Variants in CRYAB observed in about 807,000 individuals in gnomAD.
CRYAB encodes the protein crystallin alpha B, also known as alpha-crystallin B chain.
CRYAB carries 9 observed loss-of-function variants against 12.7 expected under a neutral mutation model. The observed-to-expected ratio is 0.71, with a 90% CI of 0.43 to 1.24. The LOEUF is 1.24. CRYAB is among the 50% of genes most tolerant of loss of function. CRYAB has a pLI of 0.00. For synonymous variants in CRYAB, 93 were observed against 86.8 expected (o/e 1.07, Z -0.40); for missense variants, 183 against 226.6 (o/e 0.81, Z 1.24).
Position 111,908,676 on chromosome 11 carries a change from T to C in CRYAB, c.*88A>G, listed in dbSNP as rs1555165202. 1.5e-6 allele frequency: 2 copies of C among 1,323,778 alleles called. No homozygotes were observed. The highest frequency in any genetic ancestry group is 2.9e-5 in the African/African-American group (2 of 69,218). 82.0% of individuals were successfully genotyped at this position (1,323,778 alleles called of 1,614,324 possible). ...TGATAATTTGGGCCTGCCCTTAGCA[T>C]TAATAAGCTTCAGCACTAGTCACAA... On this transcript the variant is annotated 3_prime_UTR_variant, in exon 3 of 3. Transcript: ENST00000650687.
upstream of CRYAB, chr11:111,918,025 T>G (rs1965624107): frequency 6.6e-6 from 1 of 152,126 alleles, no homozygotes; most frequent in Non-Finnish European, 1.5e-5. Flanking sequence ...GTATTCTCTG[T>G]GGAGTGCAGA....
At chr11:111,920,494 C>A (rs182505572) in intron 1 of CRYAB, among the ~76,000 whole-genome samples, 1 of 151,630 alleles carries the variant, frequency 6.6e-6, no homozygotes, top group African/African-American at 2.4e-5. Flanking sequence ...GCTGAGATTG[C>A]GCCACTGCAG....
chr11:111,914,801 T>A (rs1446875390), upstream of CRYAB, among the ~76,000 whole-genome samples: 1 of 152,300 alleles, frequency 6.6e-6, no homozygotes, highest in East Asian at 1.9e-4. Flanking sequence ...CTTGGCTGGG[T>A]GCAGCAGCTC....
chr11:111,918,730 C>T lies in CRYAB; in HGVS notation c.-199+4973G>A, dbSNP rs1270909357. The T allele has an allele frequency of 8.8e-6, 6 of 682,220 alleles. No homozygotes were observed. The African/African-American group carries it at 1.1e-4, about 12-fold the overall frequency. The allele number at this position is 682,220 out of a possible 1,614,324, so 42.3% of individuals were successfully genotyped here. A position where few individuals can be genotyped will look rare whatever the true frequency, so the allele number is the denominator to read the frequency against. ...AAGTTCATGGCTTCATCAAAAGACGCTTCAAATCCTGAAGTTGAGATAGCT... is the reference window on the plus strand; with the variant it reads ...AAGTTCATGGCTTCATCAAAAGACGTTTCAAATCCTGAAGTTGAGATAGCT... On this transcript the variant is annotated intron_variant, in intron 1 of 3. Coordinates refer to the CRYAB transcript ENST00000527950.
At chr11:111,910,843 A>G (rs1592508711) in intron 1 of CRYAB, 2 of 331,404 alleles carry the variant, frequency 6.0e-6, no homozygotes, top group East Asian at 1.5e-4. Context: ...CCAATCTGGA[A>G]TGTTCTGCTG....
At chr11:111,914,162 C>T (rs1965560578), upstream of CRYAB, 2 of 427,696 alleles carry the variant, frequency 4.7e-6, no homozygotes, top group East Asian at 7.6e-5. Flanking sequence ...AGGTCACAGC[C>T]AGCTAGACAA....
At chr11:111,916,134 A>G (rs899706677), upstream of CRYAB, among the ~76,000 whole-genome samples, 1 of 152,180 alleles carries the variant, frequency 6.6e-6, no homozygotes, top group Non-Finnish European at 1.5e-5. Flanking sequence ...TCTCTGGAAA[A>G]CAAACACAAT....
At chr11:111,918,785 CT>C in intron 1 of CRYAB, 1 of 705,210 alleles carries the variant, frequency 1.4e-6, no homozygotes. Flanking sequence ...TTGTTCTACC[CT>C]TTGGCTGGGA....
upstream of CRYAB, chr11:111,914,140 G>T (rs1443011554): frequency 4.3e-6 from 2 of 459,806 alleles, no homozygotes; most frequent in Non-Finnish European, 3.8e-6. Flanking sequence ...CTGGGATGGG[G>T]AGGGAGGGAG....
At chr11:111,912,738 T>C, upstream of CRYAB, 4 of 458,090 alleles carry the variant, frequency 8.7e-6, no homozygotes, top group South Asian at 2.5e-5. Context: ...CCCCACCTCC[T>C]ATCGAGCCCT....
chr11:111,913,345 GCTCTTCCCAATCC>G, upstream of CRYAB: 1 of 953,624 alleles, frequency 1.0e-6, no homozygotes. Flanking sequence ...CTCCCCTCTT[GCTCTTCCCAATCC>G]CTCCTCTCCA....
At chr11:111,919,122 G>A in intron 1 of CRYAB, 1 of 1,119,604 alleles carries the variant, frequency 8.9e-7, no homozygotes. Context: ...ACCTTCCTCT[G>A]CCTGGTACCT....
In CRYAB at chr11:111,911,766, C is replaced by A; in HGVS notation, c.-42G>T. 1 of 1,355,396 alleles carries A rather than the reference C, an allele frequency of 7.4e-7. No individual in the cohort carries two copies. The highest frequency in any genetic ancestry group is 1.0e-6 in the Non-Finnish European group (1 of 967,326). The allele number at this position is 1,355,396 out of a possible 1,614,324, so 84.0% of individuals were successfully genotyped here. On this transcript the variant is annotated 5_prime_UTR_variant, in exon 1 of 3. Coordinates refer to ENST00000650687, the MANE Select transcript of CRYAB (RefSeq NM_001289808.2). ...TGAGGGGTCAGCTGGCTGGTCAGCT[C>A]CTTCAGCTGCAGCTACAGCCAGCCC...
At chr11:111,914,818 G>T (rs1965572126), upstream of CRYAB, among the ~76,000 whole-genome samples, 1 of 152,190 alleles carries the variant, frequency 6.6e-6, no homozygotes, top group African/African-American at 2.4e-5. Flanking sequence ...GCTCACACCT[G>T]TAATCCCAGT....
chr11:111,913,901 ACAGACC>A (rs782147766), upstream of CRYAB: 4 of 1,597,846 alleles, frequency 2.5e-6, no homozygotes, highest in Non-Finnish European at 3.4e-6. Context: ...CCTGATTGCC[ACAGACC>A]CAGCACCCAG....
Position 111,908,832 on chromosome 11 carries a change from C to T in CRYAB, c.460G>A (p.Gly154Ser), listed in dbSNP as rs150516929. ...TVNGPRKQVS[G>S]PERTIPITRE... Reference sequence around the variant, plus strand: ...GTGATGGGAATGGTGCGCTCAGGGCCAGAGACCTGTTTCCTTGGTCCATTC... The same window carrying T: ...GTGATGGGAATGGTGCGCTCAGGGCTAGAGACCTGTTTCCTTGGTCCATTC... Residue 154 changes from glycine to serine, a missense_variant, in exon 3 of 3, where the codon GGC (glycine) becomes AGC (serine). Gly to Ser is a moderately conservative substitution (Grantham distance 56, BLOSUM62 0). This residue lies in a region of CRYAB where 95 missense variants were observed against 112.5 expected (regional missense o/e 0.84). Transcript: ENST00000650687. 1,913 of 1,613,842 alleles carry T rather than the reference C, an allele frequency of 1.2e-3. 3 individuals are homozygous for T. The highest frequency in any genetic ancestry group is 1.5e-3 in the Non-Finnish European group (1,765 of 1,180,016).
chr11:111,913,655 C>T, upstream of CRYAB: 1 of 1,614,162 alleles, frequency 6.2e-7, no homozygotes, highest in Non-Finnish European at 8.5e-7. Flanking sequence ...CTGCCCGGCA[C>T]CCCCAGCGCC....
chr11:111,918,988 T>G (rs140110474), intron 1 of CRYAB: 17 of 1,614,108 alleles, frequency 1.1e-5, no homozygotes, highest in Middle Eastern at 1.6e-4. Context: ...AAACCGGGTC[T>G]GCTGCGGAGG....
chr11:111,913,875 G>A (rs199640609), upstream of CRYAB: 1 of 1,609,658 alleles, frequency 6.2e-7, no homozygotes, highest in Admixed American at 1.7e-5. Context: ...AGAGGAGGAG[G>A]CAGCCATAGT....
Sources: allele counts gnomAD v4.1 joint callset (sites outside exome capture counted in the v4.1 genomes callset), GRCh38; gene constraint gnomAD v4.1.1; regional missense constraint gnomAD v4.1.1; transcripts MANE v1.5; gene names NCBI Gene and HGNC (gene_info 2026-07-23, HGNC 2026-07-21).